The following CYTH1 variants were observed in gnomAD, a reference collection of about 807,000 sequenced individuals.
CYTH1 encodes the protein cytohesin 1.
In CYTH1, 18 loss-of-function variants were observed where a neutral mutation model predicts 61.8. The ratio of observed to expected loss-of-function variants is 0.29; its 90% CI spans 0.20 to 0.43. CYTH1 has a LOEUF of 0.43. CYTH1 is among the 20% of genes least tolerant of loss of function. CYTH1 has a pLI of 1.00. For missense variants in CYTH1, 336 were observed against 510.5 expected (o/e 0.66, Z 3.29); for synonymous variants, 174 against 184.3 (o/e 0.94, Z 0.45).
chr17:78,775,359 A>G (rs2093487004), intron 1 of CYTH1, among the ~76,000 whole-genome samples: 1 of 152,068 alleles, frequency 6.6e-6, no homozygotes, highest in Non-Finnish European at 1.5e-5. Context: ...ATTCCCTTAT[A>G]TCCTTCCCTC....
At chr17:78,718,711 T>C (rs537183173) in intron 1 of CYTH1, among the ~76,000 whole-genome samples, 9 of 152,336 alleles carry the variant, frequency 5.9e-5, no homozygotes, top group Admixed American at 2.6e-4. Flanking sequence ...ATACCAATGT[T>C]CAACAAACTG....
intron 1 of CYTH1, among the ~76,000 whole-genome samples, chr17:78,728,516 C>G (rs2093277826): frequency 6.6e-6 from 1 of 151,728 alleles, no homozygotes; most frequent in African/African-American, 2.4e-5. Context: ...CCATTGCACT[C>G]CAGCCTGGGT....
chr17:78,707,405 C>CAG (rs1445623643), intron 3 of CYTH1, among the ~76,000 whole-genome samples: 1 of 151,936 alleles, frequency 6.6e-6, no homozygotes, highest in Non-Finnish European at 1.5e-5. Flanking sequence ...AAAAAAAAAG[C>CAG]AGAGTCCTTG....
rs2092685106 is a variant in CYTH1, at chr17:78,675,206, G to A, written c.*885C>T. ...ATTAGGTATTTAGCTCAAGGAAAAT[G>A]CTGACTTTCTACTTTAAAGCCCAAC... On this transcript the variant is annotated 3_prime_UTR_variant, in exon 14 of 14. Coordinates refer to ENST00000446868, the MANE Select transcript of CYTH1 (RefSeq NM_004762.6). 6.6e-6 allele frequency: 1 copy of A among 152,248 alleles called. No individual in the cohort carries two copies. The highest frequency in any genetic ancestry group is 6.5e-5 in the Admixed American group (1 of 15,286). The allele number at this position is 152,248 out of a possible 1,614,324, so 9.4% of individuals were successfully genotyped here. A position where few individuals can be genotyped will look rare whatever the true frequency, so the allele number is the denominator to read the frequency against.
chr17:78,760,481 GTA>G (rs1420741064), intron 1 of CYTH1, among the ~76,000 whole-genome samples: 656 of 34,572 alleles, frequency 0.019, 88 homozygotes, highest in African/African-American at 0.074. Flanking sequence ...GTATATATAT[GTA>G]TGTATATATA....
Position 78,717,826 on chromosome 17 carries a change from C to T in CYTH1, c.23-8094G>A, listed in dbSNP as rs1255634816. On this transcript the variant is annotated intron_variant, in intron 1 of 13. Coordinates refer to ENST00000446868, the MANE Select transcript of CYTH1 (RefSeq NM_004762.6). This position sits in a 1 kb window ranked among gnomAD's most constrained non-coding sequence, Gnocchi z 4.4. Reference sequence around the variant, plus strand: ...TACCGTCAAATGAACGTGTCCAAGGCATGCTTTAGGACCAGGATGTCTCTT... The same window carrying T: ...TACCGTCAAATGAACGTGTCCAAGGTATGCTTTAGGACCAGGATGTCTCTT... Among the ~76,000 whole-genome samples, 5 of 152,172 alleles carry T rather than the reference C, an allele frequency of 3.3e-5. No homozygotes were observed. The highest frequency in any genetic ancestry group is 1.2e-4 in the African/African-American group (5 of 41,434).
chr17:78,718,760 T>G (rs144837229), intron 1 of CYTH1, among the ~76,000 whole-genome samples: 3 of 152,320 alleles, frequency 2.0e-5, no homozygotes, highest in African/African-American at 7.2e-5. Context: ...AGCTGTAAAA[T>G]GGCACTGCAG....
At chr17:78,696,037 G>T in intron 9 of CYTH1, 28 bp from the exon 10 acceptor site, 1 of 1,367,738 alleles carries the variant, frequency 7.3e-7, no homozygotes, top group Non-Finnish European at 9.8e-7. Flanking sequence ...GAAAAGGAGA[G>T]CCAAAATCAT....
At chr17:78,743,539 G>GC (rs2093349286) in intron 1 of CYTH1, among the ~76,000 whole-genome samples, 1 of 152,120 alleles carries the variant, frequency 6.6e-6, no homozygotes, top group Non-Finnish European at 1.5e-5. Flanking sequence ...GGATGCTCTG[G>GC]CAAGTACAAT....
chr17:78,725,857 C>T (rs574991903), intron 1 of CYTH1, among the ~76,000 whole-genome samples: 21 of 152,290 alleles, frequency 1.4e-4, no homozygotes, highest in African/African-American at 4.8e-4. Flanking sequence ...AAGAAGTCTA[C>T]AGTGTGGCCC....
intron 1 of CYTH1, among the ~76,000 whole-genome samples, chr17:78,737,359 A>G (rs1241275340): frequency 1.3e-5 from 2 of 152,222 alleles, no homozygotes; most frequent in Admixed American, 6.5e-5. Flanking sequence ...AAAAGTCTGT[A>G]TGTATTCAGT....
At chr17:78,778,261 C>T (rs2093500944) in intron 1 of CYTH1, among the ~76,000 whole-genome samples, 2 of 145,860 alleles carry the variant, frequency 1.4e-5, no homozygotes, top group Admixed American at 1.4e-4. Flanking sequence ...GACTGTGCCA[C>T]CACACTCCAG....
intron 11 of CYTH1, among the ~76,000 whole-genome samples, chr17:78,689,888 C>T (rs946049362): frequency 1.3e-5 from 2 of 151,972 alleles, no homozygotes; most frequent in Admixed American, 6.5e-5. Flanking sequence ...GCGAGACTGC[C>T]GGGTCTCCTC....
intron 11 of CYTH1, among the ~76,000 whole-genome samples, chr17:78,685,420 T>A (rs2092806778): frequency 6.6e-6 from 1 of 152,148 alleles, no homozygotes; most frequent in African/African-American, 2.4e-5. Context: ...AATTTCTGGT[T>A]AATTAGTATT....
chr17:78,756,811 A>G lies in CYTH1; in HGVS notation c.22+25391T>C, dbSNP rs557408974. ...CACTGCACTCCAGCCTCGGTGACAGAGCAAGATCTCATTTAAAAAAAAAAA... is the reference window on the plus strand; with the variant it reads ...CACTGCACTCCAGCCTCGGTGACAGGGCAAGATCTCATTTAAAAAAAAAAA... On this transcript the variant is annotated intron_variant, in intron 1 of 13. Transcript: ENST00000446868. 5.9e-5 allele frequency among the ~76,000 whole-genome samples: 9 copies of G among 151,648 alleles called. 1 individual carries two copies. Among genetic ancestry groups the G allele is most frequent in the African/African-American group, 1.7e-4 (7 of 41,350 alleles).
chr17:78,740,881 T>C (rs2093339356), intron 1 of CYTH1, among the ~76,000 whole-genome samples: 1 of 152,330 alleles, frequency 6.6e-6, no homozygotes, highest in Non-Finnish European at 1.5e-5. Flanking sequence ...TTACTACGTA[T>C]TTATTTAAAT....
chr17:78,709,710 C>T lies in CYTH1; in HGVS notation c.45G>A (p.Glu15=), dbSNP rs1228476358. The T allele has an allele frequency of 3.1e-6, 5 of 1,614,074 alleles. No individual in the cohort carries two copies. The highest frequency in any genetic ancestry group is 1.3e-5 in the African/African-American group (1 of 74,938). The change falls in exon 2 of 14, where the codon GAG becomes GAA. Residue 15 remains glutamate, a synonymous_variant. Coordinates refer to ENST00000446868, the MANE Select transcript of CYTH1 (RefSeq NM_004762.6). ...GGATGTTCTCCAGTTCTTGACGCTC[C>T]TCTGCTGTCAGGTCACTGGGAACTA... ...DSYVPSDLTA[E]ERQELENIRR... is the part of the protein sequence containing the mutation.
rs139579890 is a variant in CYTH1 at position 78,738,626 on chromosome 17, T to TA, written c.23-28895dup. 9.9e-3 allele frequency among the ~76,000 whole-genome samples: 1,432 copies of TA among 145,086 alleles called. 21 individuals carry two copies. The highest frequency in any genetic ancestry group is 0.03 in the African/African-American group (1,206 of 40,158). ...TTGAATAAATACATATGCATATATT[T>TA]AAAAAAAAAAAACACTTTGTTTTGT... On this transcript the variant is annotated intron_variant, in intron 1 of 13. Coordinates refer to ENST00000446868, the MANE Select transcript of CYTH1 (RefSeq NM_004762.6).
At chr17:78,740,978 C>G (rs985173202) in intron 1 of CYTH1, among the ~76,000 whole-genome samples, 1 of 152,106 alleles carries the variant, frequency 6.6e-6, no homozygotes, top group African/African-American at 2.4e-5. Context: ...AATCTAGGGC[C>G]TCAGAGCAGT....
Sources: gnomAD v4.1 joint callset for allele counts (sites outside exome capture counted in the v4.1 genomes callset) on GRCh38, gnomAD v4.1.1 for gene constraint, Gnocchi (gnomAD v3.1) non-coding constraint, MANE v1.5 for transcripts, NCBI Gene and HGNC (gene_info 2026-07-23, HGNC 2026-07-21) for gene names.